Variants in SARNP observed in about 807,000 individuals in gnomAD.
SARNP encodes the protein SAP domain-containing ribonucleoprotein.
A neutral mutation model predicts 38.1 loss-of-function variants in SARNP; 5 were observed. That is an observed-to-expected ratio of 0.13 (90% CI 0.07 to 0.28). SARNP has a LOEUF of 0.28. Ranked by LOEUF, SARNP falls within the 10% of genes least tolerant of loss-of-function variation. The probability of loss-of-function intolerance (pLI) is 1.00; values close to 1 mark genes in which losing one functional copy is unlikely to be tolerated. For synonymous variants in SARNP, 84 were observed against 80.6 expected (o/e 1.04, Z -0.23); for missense variants, 180 against 243.9 (o/e 0.74, Z 1.75).
chr12:55,789,185 A>C, intron 8 of SARNP, 42 bp from the exon 9 acceptor site: 1 of 1,385,836 alleles, frequency 7.2e-7, no homozygotes, highest in Non-Finnish European at 1.0e-6. Flanking sequence ...TAAAAAATCA[A>C]AACGGAAAAC....
At chr12:55,796,710 TA>T (rs1879830994) in intron 4 of SARNP, among the ~76,000 whole-genome samples, 1 of 152,174 alleles carries the variant, frequency 6.6e-6, no homozygotes, top group Non-Finnish European at 1.5e-5. Flanking sequence ...GCCTTTAATT[TA>T]CTTTTGAACT....
chr12:55,797,667 G>A (rs144910701), intron 4 of SARNP, among the ~76,000 whole-genome samples: 27 of 152,248 alleles, frequency 1.8e-4, no homozygotes, highest in Admixed American at 5.2e-4. Flanking sequence ...AACCCCAGAC[G>A]GGAAGTTTCC....
intron 9 of SARNP, among the ~76,000 whole-genome samples, chr12:55,768,724 A>C (rs1878920559): frequency 6.6e-6 from 1 of 151,420 alleles, no homozygotes; most frequent in African/African-American, 2.4e-5. Context: ...TACCATGTCC[A>C]GCCTCTTTCT....
chr12:55,774,955 T>C lies in SARNP; in HGVS notation c.501+14120A>G, dbSNP rs571199195. 1.6e-4 allele frequency among the ~76,000 whole-genome samples: 24 copies of C among 149,922 alleles called. No homozygotes were observed. In the South Asian group the frequency reaches 4.7e-3, roughly 29 times the overall value. On this transcript the variant is annotated intron_variant, in intron 9 of 10. Coordinates refer to ENST00000336133, the MANE Select transcript of SARNP (RefSeq NM_033082.4). ...AGACTGGAGCACAGTGGCGCAATCT[T>C]GGCTCACTGCAACCTCCACCTCCCA...
chr12:55,768,149 CAG>C (rs999818605), intron 9 of SARNP, among the ~76,000 whole-genome samples: 2 of 152,142 alleles, frequency 1.3e-5, no homozygotes, highest in East Asian at 1.9e-4. Flanking sequence ...TATTTAGAGA[CAG>C]AGTCTCACTC....
chr12:55,799,429 T>C (rs1454205943), intron 4 of SARNP, among the ~76,000 whole-genome samples: 1 of 152,170 alleles, frequency 6.6e-6, no homozygotes, highest in African/African-American at 2.4e-5. Flanking sequence ...CTACTTTCCA[T>C]TCTAGCACTT....
intron 2 of SARNP, 49 bp downstream of exon 2, chr12:55,803,580 G>C (rs759597305): frequency 9.0e-7 from 1 of 1,108,492 alleles, no homozygotes; most frequent in Non-Finnish European, 1.3e-6. Flanking sequence ...CAGTGTCAAA[G>C]CCTGAAAATC....
At position 55,787,624 on chromosome 12, in the gene SARNP, A is replaced by T. The variant is rs550647708; in HGVS notation, c.501+1451T>A. On this transcript the variant is annotated intron_variant, in intron 9 of 10. Transcript: ENST00000336133. ...GCTAATTTTTGTAGTTTTAGTAGAG[A>T]CAGGGTTTCACCATGTTGGCTGGGC... Among the ~76,000 whole-genome samples the T allele has an allele frequency of 8.3e-4, 127 of 152,152 alleles. 1 individual carries two copies. The highest frequency in any genetic ancestry group is 3.4e-3 in the Middle Eastern group (1 of 294).
chr12:55,810,869 G>C (rs1024223011), intron 1 of SARNP, among the ~76,000 whole-genome samples: 2 of 151,482 alleles, frequency 1.3e-5, no homozygotes, highest in Non-Finnish European at 3.0e-5. Flanking sequence ...CTGAGGTCAG[G>C]AGTTCAAGAC....
chr12:55,806,107 A>C (rs1880132863), intron 1 of SARNP, among the ~76,000 whole-genome samples: 1 of 151,426 alleles, frequency 6.6e-6, no homozygotes, highest in Non-Finnish European at 1.5e-5. Flanking sequence ...GAGTGACTGG[A>C]GAGCATAGCC....
intron 9 of SARNP, among the ~76,000 whole-genome samples, chr12:55,776,912 A>C (rs1199683139): frequency 6.6e-6 from 1 of 152,218 alleles, no homozygotes; most frequent in Non-Finnish European, 1.5e-5. Flanking sequence ...AACAAACTGA[A>C]TATTGAAAAG....
In SARNP at chr12:55,794,942, A is replaced by T. The variant is rs1041710631; in HGVS notation, c.304-62T>A. The T allele has an allele frequency of 3.7e-4, 192 of 516,180 alleles. 3 individuals are homozygous for T. In the Admixed American group the frequency reaches 6.6e-3, roughly 18 times the overall value. 32.0% of individuals were successfully genotyped at this position (516,180 alleles called of 1,614,324 possible). On this transcript the variant is annotated intron_variant, in intron 5 of 10. Transcript: ENST00000336133. ...AATTTATGGTTTAAGAAAGTCAGTCAGAGGTAGGTATCTTTAAAAAAAAAA... is the reference window on the plus strand; with the variant it reads ...AATTTATGGTTTAAGAAAGTCAGTCTGAGGTAGGTATCTTTAAAAAAAAAA...
chr12:55,779,035 CA>C (rs1332627160), intron 9 of SARNP, among the ~76,000 whole-genome samples: 2 of 152,046 alleles, frequency 1.3e-5, no homozygotes, highest in African/African-American at 2.4e-5. Flanking sequence ...ACTAAACAAA[CA>C]AAAAACTCCA....
chr12:55,803,428 G>A (rs934428946), intron 2 of SARNP, among the ~76,000 whole-genome samples: 2 of 151,192 alleles, frequency 1.3e-5, no homozygotes, highest in African/African-American at 4.9e-5. Flanking sequence ...AGGTTGCAAT[G>A]AGCTGAAACT....
intron 9 of SARNP, among the ~76,000 whole-genome samples, chr12:55,775,036 G>A (rs900377121): frequency 2.6e-5 from 4 of 151,010 alleles, no homozygotes; most frequent in Non-Finnish European, 4.4e-5. Flanking sequence ...ACAAGTGTGT[G>A]CCACCACACC....
intron 1 of SARNP, among the ~76,000 whole-genome samples, chr12:55,806,637 C>A (rs1880153435): frequency 6.6e-6 from 1 of 151,900 alleles, no homozygotes; most frequent in African/African-American, 2.4e-5. Flanking sequence ...AATGGCACGA[C>A]CTCAGCTCAC....
intron 9 of SARNP, among the ~76,000 whole-genome samples, chr12:55,784,815 A>G (rs1275105062): frequency 1.3e-5 from 2 of 152,256 alleles, no homozygotes; most frequent in Non-Finnish European, 2.9e-5. Flanking sequence ...TTTATGGGAC[A>G]AAACAGACCA....
intron 9 of SARNP, among the ~76,000 whole-genome samples, chr12:55,782,634 T>C (rs1879373414): frequency 6.6e-6 from 1 of 152,140 alleles, no homozygotes; most frequent in South Asian, 2.1e-4. Context: ...TCACTCAGGC[T>C]GGTGTGCAGT....
intron 9 of SARNP, among the ~76,000 whole-genome samples, chr12:55,767,085 C>T (rs1272339018): frequency 6.6e-6 from 1 of 152,150 alleles, no homozygotes; most frequent in Non-Finnish European, 1.5e-5. Flanking sequence ...CTCCAAGATA[C>T]AAATTACATG....
Sources: allele counts gnomAD v4.1 joint callset (sites outside exome capture counted in the v4.1 genomes callset), GRCh38; gene constraint gnomAD v4.1.1; transcripts MANE v1.5; gene names NCBI Gene and HGNC (gene_info 2026-07-23, HGNC 2026-07-21).